Variants in ZNF808 observed in about 807,000 individuals in gnomAD.
ZNF808 encodes zinc finger protein 808.
Under a neutral mutation model 8.7 loss-of-function variants are expected in ZNF808, and 5 were observed. That is an observed-to-expected ratio of 0.58 (90% CI 0.30 to 1.21). The LOEUF (loss-of-function observed/expected upper bound fraction) is 1.21. Among genes scored for constraint, ZNF808 ranks in the 50% most tolerant of loss-of-function variants. The pLI is 0.07. For missense variants in ZNF808, 1,103 were observed against 1,098.4 expected (o/e 1.00, Z -0.06); for synonymous variants, 380 against 366.0 (o/e 1.04, Z -0.44).
intron 1 of ZNF808, among the ~76,000 whole-genome samples, chr19:52,528,247 A>C (rs2059528549): frequency 6.6e-6 from 1 of 151,788 alleles, no homozygotes; most frequent in African/African-American, 2.4e-5. Flanking sequence ...TTGAACCCAC[A>C]CTGGGAAGGA....
intron 2 of ZNF808, among the ~76,000 whole-genome samples, chr19:52,535,504 CCG>C (rs2059599186): frequency 1.3e-5 from 2 of 152,156 alleles, no homozygotes; most frequent in Non-Finnish European, 2.9e-5. Context: ...GGCTTCCGCC[CCG>C]TGCCCGCATC....
downstream of ZNF808, among the ~76,000 whole-genome samples, chr19:52,557,425 C>A (rs1211312724): frequency 1.3e-5 from 2 of 152,046 alleles, no homozygotes; most frequent in Admixed American, 1.3e-4. Context: ...CTCCACCACT[C>A]CCGGCTAATT....
downstream of ZNF808, among the ~76,000 whole-genome samples, chr19:52,568,718 C>A (rs2059879518): frequency 1.3e-5 from 2 of 152,110 alleles, no homozygotes; most frequent in Non-Finnish European, 2.9e-5. Context: ...TATTCTCATG[C>A]TTTGTGTCCA....
chr19:52,555,284 T>G lies in ZNF808; in HGVS notation c.2368T>G (p.Ser790Ala). 6.2e-7 allele frequency: 1 copy of G among 1,614,078 alleles called. No homozygotes were observed. The highest frequency in any genetic ancestry group is 8.5e-7 in the Non-Finnish European group (1 of 1,180,008). Residue 790 changes from serine (S) to alanine (A), a missense_variant, in exon 5 of 5, where the codon TCT becomes GCT. Transcript: ENST00000359798. ...TCGTAGACTTCATACTGGAGAGAAA[T>G]CTTACAAATGTACGGTTTGTGACAA... The part of the protein sequence containing the change: ...YHRRLHTGEK[S>A]YKCTVCDKAF...
intron 1 of ZNF808, among the ~76,000 whole-genome samples, chr19:52,528,466 G>A (rs2059530789): frequency 1.3e-5 from 2 of 152,240 alleles, no homozygotes; most frequent in African/African-American, 4.8e-5. Flanking sequence ...GAGGATTGGT[G>A]AGGGATATGC....
intron 2 of ZNF808, among the ~76,000 whole-genome samples, chr19:52,542,046 A>G (rs753703771): frequency 3.9e-5 from 6 of 152,254 alleles, no homozygotes; most frequent in African/African-American, 7.2e-5. Context: ...TATAATATAA[A>G]GAGAAACTTA....
At position 52,553,603 on chromosome 19, in the gene ZNF808, A is replaced by C; in HGVS notation, c.687A>C (p.Lys229Asn). The C allele has an allele frequency of 1.2e-6, 2 of 1,614,206 alleles. No homozygotes were observed. Among genetic ancestry groups the C allele is most frequent in the Non-Finnish European group, 1.7e-6 (2 of 1,180,038 alleles). ...AACAGGAAGTACACATGAGAGAAAAATCTTTCCCATGTAATGAGAGTGGCA... is the reference window on the plus strand; with the variant it reads ...AACAGGAAGTACACATGAGAGAAAACTCTTTCCCATGTAATGAGAGTGGCA... ...PQKQEVHMRE[K>N]SFPCNESGKA... Residue 229 changes from lysine to asparagine, a missense_variant, in exon 5 of 5, where the codon AAA becomes AAC. Lys to Asn is a moderately conservative substitution (Grantham distance 94, BLOSUM62 0). Transcript: ENST00000359798.
chr19:52,551,870 G>A (rs1011683338), intron 4 of ZNF808, among the ~76,000 whole-genome samples: 2 of 151,980 alleles, frequency 1.3e-5, no homozygotes, highest in African/African-American at 2.4e-5. Flanking sequence ...AGGTGTAGTG[G>A]TGTGTGCCTG....
intron 4 of ZNF808, among the ~76,000 whole-genome samples, chr19:52,550,575 G>A (rs910091930): frequency 8.6e-5 from 13 of 151,664 alleles, no homozygotes; most frequent in Non-Finnish European, 4.4e-5. Context: ...GCCCAGGCTG[G>A]AGTGCAATGG....
chr19:52,533,454 G>A (rs2059577675), intron 2 of ZNF808, among the ~76,000 whole-genome samples: 1 of 151,952 alleles, frequency 6.6e-6, no homozygotes, highest in African/African-American at 2.4e-5. Flanking sequence ...TTGAACTTCT[G>A]ATATCAGATG....
At chr19:52,564,384 T>TG (rs1166631776) in exon 4 of ZNF808, 1 of 435,582 alleles carries the variant, frequency 2.3e-6, no homozygotes, top group Admixed American at 3.9e-5. Context: ...ACGCATTGGT[T>TG]GGGTGGGTTC....
intron 2 of ZNF808, among the ~76,000 whole-genome samples, chr19:52,536,320 C>G (rs2059610759): frequency 6.6e-6 from 1 of 152,100 alleles, no homozygotes; most frequent in Admixed American, 6.5e-5. Context: ...CTGACTCCAC[C>G]CACCCCGTTC....
chr19:52,559,993 A>G (rs1407118469), downstream of ZNF808, among the ~76,000 whole-genome samples: 3 of 152,184 alleles, frequency 2.0e-5, no homozygotes, highest in Admixed American at 6.6e-5. Context: ...TATAGTTGTT[A>G]TGATTGTAAG....
At chr19:52,563,760 A>T (rs1233760276) in exon 4 of ZNF808, 1 of 163,692 alleles carries the variant, frequency 6.1e-6, no homozygotes, top group East Asian at 1.9e-4. Context: ...CAGTGAAGAG[A>T]ACAGCAAACA....
intron 3 of ZNF808, among the ~76,000 whole-genome samples, chr19:52,546,435 T>C (rs1460838567): frequency 2.0e-5 from 3 of 152,102 alleles, no homozygotes; most frequent in Non-Finnish European, 4.4e-5. Context: ...TCCACCTGCC[T>C]TGGCCTCCCA....
At chr19:52,567,583 G>A (rs2059876135), downstream of ZNF808, among the ~76,000 whole-genome samples, 1 of 150,616 alleles carries the variant, frequency 6.6e-6, no homozygotes, top group Non-Finnish European at 1.5e-5. Flanking sequence ...GGAGTACAAT[G>A]TCATGATCAT....
chr19:52,547,926 A>C (rs543384666), intron 4 of ZNF808, among the ~76,000 whole-genome samples: 1 of 151,856 alleles, frequency 6.6e-6, no homozygotes, highest in East Asian at 1.9e-4. Context: ...TTTAGTGGAC[A>C]CAGGGTTTCT....
intron 4 of ZNF808, among the ~76,000 whole-genome samples, chr19:52,552,873 G>T (rs2059791362): frequency 6.6e-6 from 1 of 152,024 alleles, no homozygotes; most frequent in South Asian, 2.1e-4. Context: ...ACATATTTGT[G>T]CCCTGTCAGT....
chr19:52,543,214 G>A (rs2059689206), intron 2 of ZNF808, 52 bp from the exon 3 acceptor site: 2 of 1,584,784 alleles, frequency 1.3e-6, no homozygotes, highest in Non-Finnish European at 1.7e-6. Flanking sequence ...TTTTGTCACA[G>A]GAAGGGAGTG....
Sources: allele counts gnomAD v4.1 joint callset (sites outside exome capture counted in the v4.1 genomes callset), GRCh38; gene constraint gnomAD v4.1.1; transcripts MANE v1.5; gene names NCBI Gene and HGNC (gene_info 2026-07-23, HGNC 2026-07-21).